Variants in SPOCK1 observed in about 807,000 individuals in gnomAD.
The protein encoded by SPOCK1 is SPARC (osteonectin), cwcv and kazal like domains proteoglycan 1, also known as testican-1.
Under a neutral mutation model 55.3 loss-of-function variants are expected in SPOCK1, and 23 were observed. That is an observed-to-expected ratio of 0.42 (90% CI 0.30 to 0.59). SPOCK1 has a LOEUF of 0.59. SPOCK1 is among the 20% of genes least tolerant of loss of function. The pLI, the probability that SPOCK1 is intolerant of heterozygous loss-of-function variation, is 0.22. For missense variants in SPOCK1, 499 were observed against 552.5 expected (o/e 0.90, Z 0.97); for synonymous variants, 226 against 221.0 (o/e 1.02, Z -0.20).
chr5:137,009,050 T>C (rs143969172), intron 6 of SPOCK1, among the ~76,000 whole-genome samples: 1 of 152,308 alleles, frequency 6.6e-6, no homozygotes, highest in East Asian at 1.9e-4. Flanking sequence ...CATAACTTTT[T>C]ACTTCGATAA....
At chr5:137,184,206 C>T (rs928834997) in intron 3 of SPOCK1, among the ~76,000 whole-genome samples, 5 of 152,164 alleles carry the variant, frequency 3.3e-5, no homozygotes, top group Admixed American at 6.5e-5. Flanking sequence ...AGCTTTCTCC[C>T]AAGGGCATAC....
In SPOCK1 at chr5:137,337,277, T is replaced by C. The variant is rs72796512; in HGVS notation, c.187-70222A>G. On this transcript the variant is annotated intron_variant, in intron 2 of 10. Coordinates refer to ENST00000394945, the MANE Select transcript of SPOCK1 (RefSeq NM_004598.4). ...TATTTGCAGAGCTATAGGATGGGAC[T>C]ATGAGGGAGAAAGCTTTGCGTATCA... Among the ~76,000 whole-genome samples, 970 of 152,330 alleles carry C rather than the reference T, an allele frequency of 6.4e-3. 7 individuals carry two copies. The highest frequency in any genetic ancestry group is 0.012 in the Non-Finnish European group (821 of 68,020).
intron 2 of SPOCK1, among the ~76,000 whole-genome samples, chr5:137,421,145 C>T (rs1368757562): frequency 3.3e-5 from 5 of 152,186 alleles, no homozygotes; most frequent in Admixed American, 6.5e-5. Context: ...AGTTTGATTG[C>T]ACTGTGGTCT....
intron 2 of SPOCK1, among the ~76,000 whole-genome samples, chr5:137,381,252 G>T (rs990396740): frequency 1.3e-5 from 2 of 152,186 alleles, no homozygotes; most frequent in African/African-American, 2.4e-5. Flanking sequence ...AGTCCCCATG[G>T]CTGTTTCATG....
chr5:137,237,233 C>T (rs12515527), intron 3 of SPOCK1, among the ~76,000 whole-genome samples: 10,172 of 152,198 alleles, frequency 0.067, 590 homozygotes, highest in African/African-American at 0.15. Context: ...TGAGGTCAAG[C>T]GGGCAGCCCA....
chr5:137,090,180 T>A (rs1211255340), intron 5 of SPOCK1, among the ~76,000 whole-genome samples: 1 of 152,222 alleles, frequency 6.6e-6, no homozygotes, highest in East Asian at 1.9e-4. Context: ...AAGGTTGTAT[T>A]TCAATGAAGA....
chr5:137,077,299 C>G (rs1014809011), intron 5 of SPOCK1, among the ~76,000 whole-genome samples: 5 of 152,230 alleles, frequency 3.3e-5, no homozygotes, highest in African/African-American at 1.2e-4. Flanking sequence ...TCACAGACTT[C>G]TACAACAGTG....
At chr5:137,114,265 T>G (rs1231241002) in intron 4 of SPOCK1, among the ~76,000 whole-genome samples, 1 of 152,118 alleles carries the variant, frequency 6.6e-6, no homozygotes, top group African/African-American at 2.4e-5. Flanking sequence ...AAACTGAAAC[T>G]CAATGAGAGC....
intron 2 of SPOCK1, among the ~76,000 whole-genome samples, chr5:137,327,390 A>G (rs924224324): frequency 6.6e-6 from 1 of 152,234 alleles, no homozygotes; most frequent in African/African-American, 2.4e-5. Flanking sequence ...ATAATCTTAT[A>G]AACAACTCAC....
intron 2 of SPOCK1, among the ~76,000 whole-genome samples, chr5:137,413,234 T>C (rs979883451): frequency 6.6e-6 from 1 of 151,962 alleles, no homozygotes; most frequent in Non-Finnish European, 1.5e-5. Flanking sequence ...CTATTTTGGG[T>C]TTTTTTTCCC....
At chr5:137,476,825 T>A (rs1561545837) in intron 2 of SPOCK1, among the ~76,000 whole-genome samples, 1 of 152,058 alleles carries the variant, frequency 6.6e-6, no homozygotes, top group African/African-American at 2.4e-5. Flanking sequence ...CTTGGAAGGC[T>A]GAGGTGGAAG....
intron 4 of SPOCK1, among the ~76,000 whole-genome samples, chr5:137,120,474 C>T (rs1348877135): frequency 6.6e-6 from 1 of 152,174 alleles, no homozygotes; most frequent in African/African-American, 2.4e-5. Flanking sequence ...CACGATGTAC[C>T]TCTCACCTGG....
intron 2 of SPOCK1, among the ~76,000 whole-genome samples, chr5:137,439,528 A>G (rs1752944247): frequency 6.6e-6 from 1 of 152,244 alleles, no homozygotes; most frequent in South Asian, 2.1e-4. Context: ...ACAAGCAGTC[A>G]GGCCCCTAGA....
chr5:137,431,641 T>A (rs1752748024), intron 2 of SPOCK1, among the ~76,000 whole-genome samples: 1 of 152,220 alleles, frequency 6.6e-6, no homozygotes, highest in African/African-American at 2.4e-5. Context: ...GTTCTTCCTC[T>A]GGCAAGACTG....
chr5:137,258,733 C>G (rs1014677568), intron 3 of SPOCK1, among the ~76,000 whole-genome samples: 1 of 152,166 alleles, frequency 6.6e-6, no homozygotes, highest in Admixed American at 6.5e-5. Context: ...AGGTAATAAA[C>G]ATGTCTTTAA....
At chr5:137,136,287 T>G (rs1753984737) in intron 4 of SPOCK1, among the ~76,000 whole-genome samples, 1 of 152,158 alleles carries the variant, frequency 6.6e-6, no homozygotes, top group Admixed American at 6.5e-5. Flanking sequence ...TAGTATGTTA[T>G]ATAATGATTA....
chr5:137,441,589 C>A (rs1753009357), intron 2 of SPOCK1, among the ~76,000 whole-genome samples: 2 of 152,164 alleles, frequency 1.3e-5, no homozygotes, highest in South Asian at 4.1e-4. Flanking sequence ...GGAAAAGTGG[C>A]TGATGGCAGA....
intron 6 of SPOCK1, among the ~76,000 whole-genome samples, chr5:137,053,179 C>T (rs1475615718): frequency 6.6e-6 from 1 of 152,172 alleles, no homozygotes; most frequent in East Asian, 1.9e-4. Context: ...GACCTCTGAG[C>T]CACACTGTGA....
At position 137,159,826 on chromosome 5, in the gene SPOCK1, T is replaced by C. The variant is rs116014741; in HGVS notation, c.233-19132A>G. ...TAGTTCTCTTTCTCTTTCTACCACATCTGCAATTACTTCCTCCACTGAAGT... is the reference window on the plus strand; with the variant it reads ...TAGTTCTCTTTCTCTTTCTACCACACCTGCAATTACTTCCTCCACTGAAGT... On this transcript the variant is annotated intron_variant, in intron 3 of 10. Transcript: ENST00000394945. Among the ~76,000 whole-genome samples the C allele has an allele frequency of 5.2e-3, 794 of 152,284 alleles. 7 individuals carry two copies. The highest frequency in any genetic ancestry group is 0.019 in the African/African-American group (776 of 41,560).
Sources: gnomAD v4.1 joint callset for allele counts (sites outside exome capture counted in the v4.1 genomes callset) on GRCh38, gnomAD v4.1.1 for gene constraint, MANE v1.5 for transcripts, NCBI Gene and HGNC (gene_info 2026-07-23, HGNC 2026-07-21) for gene names.